TRPC4: variants seen among roughly 807,000 people sequenced by gnomAD.
TRPC4 encodes transient receptor potential cation channel subfamily C member 4.
In TRPC4, 49 loss-of-function variants were observed where a neutral mutation model predicts 99.4. The observed-to-expected ratio is 0.49, with a 90% CI of 0.39 to 0.63. TRPC4 has a LOEUF of 0.63. Among genes scored for constraint, TRPC4 ranks in the 20% least tolerant of loss-of-function variants. TRPC4 has a pLI of 0.00. For missense variants in TRPC4, 898 were observed against 1,152.9 expected, an observed-to-expected ratio of 0.78 and a Z score of 3.20; for synonymous variants, 454 against 425.9, an observed-to-expected ratio of 1.07 and a Z score of -0.81.
chr13:37,705,304 GTGGAGT>G (rs1204527899), intron 3 of TRPC4, among the ~76,000 whole-genome samples: 3 of 152,150 alleles, frequency 2.0e-5, no homozygotes, highest in Non-Finnish European at 1.5e-5. Context: ...GATGGTGGGG[GTGGAGT>G]TGAGGAAGAT....
At chr13:37,705,145 A>T (rs764105004) in intron 3 of TRPC4, among the ~76,000 whole-genome samples, 3 of 152,182 alleles carry the variant, frequency 2.0e-5, no homozygotes, top group Non-Finnish European at 4.4e-5. Flanking sequence ...CTGTCATTGG[A>T]GACAACATGG....
intron 1 of TRPC4, among the ~76,000 whole-genome samples, chr13:37,800,431 A>G (rs1243043534): frequency 6.6e-6 from 1 of 152,178 alleles, no homozygotes; most frequent in East Asian, 1.9e-4. Context: ...TTTCCAAACT[A>G]TTGGAGAGGT....
chr13:37,816,722 T>A (rs950193554), intron 1 of TRPC4, among the ~76,000 whole-genome samples: 1 of 151,664 alleles, frequency 6.6e-6, no homozygotes, highest in African/African-American at 2.4e-5. Flanking sequence ...TTGGTACATA[T>A]GCAAATCAAT....
At chr13:37,746,766 A>G (rs1406519289) in intron 2 of TRPC4, among the ~76,000 whole-genome samples, 2 of 152,038 alleles carry the variant, frequency 1.3e-5, no homozygotes, top group Non-Finnish European at 2.9e-5. Flanking sequence ...AGCCCAACTT[A>G]TTTTCCAGCT....
intron 3 of TRPC4, among the ~76,000 whole-genome samples, chr13:37,724,560 G>C (rs1362968548): frequency 1.3e-5 from 2 of 151,996 alleles, no homozygotes; most frequent in African/African-American, 4.8e-5. Context: ...AGAAGGATTA[G>C]CAAATATTTC....
chr13:37,675,007 CTTA>C (rs10537290), intron 4 of TRPC4, among the ~76,000 whole-genome samples: 3,744 of 152,068 alleles, frequency 0.025, 140 homozygotes, highest in African/African-American at 0.085. Context: ...TTTCCATTAT[CTTA>C]TTAAAATTTT....
intron 1 of TRPC4, among the ~76,000 whole-genome samples, chr13:37,863,568 A>G (rs566861699): frequency 6.6e-6 from 1 of 151,636 alleles, no homozygotes; most frequent in African/African-American, 2.4e-5. Context: ...AAGAGCATTC[A>G]TTTAAAGTGT....
rs761982098 is a variant in TRPC4 at position 37,663,706 on chromosome 13, T to G, written c.1398A>C (p.Glu466Asp). 7 of 1,613,854 alleles carry G rather than the reference T, an allele frequency of 4.3e-6. No homozygotes were observed. In the South Asian group the frequency reaches 6.6e-5, roughly 15 times the overall value. ...GAGTGGGATGCCACATGTCCCATGATTCTCGTGGATTAAGGGCACTGTACT... is the reference window on the plus strand; with the variant it reads ...GAGTGGGATGCCACATGTCCCATGAGTCTCGTGGATTAAGGGCACTGTACT... The part of the protein sequence containing the change: ...FVKYSALNPR[E>D]SWDMWHPTLV... The change falls in exon 6 of 11, where the codon GAA becomes GAC. Residue 466 changes from glutamate (E) to aspartate (D), a missense_variant. By Grantham distance (45) the Glu-to-Asp change is conservative (BLOSUM62 2). Coordinates refer to ENST00000379705, the MANE Select transcript of TRPC4 (RefSeq NM_016179.4).
chr13:37,838,987 T>C (rs1359200012), intron 1 of TRPC4, among the ~76,000 whole-genome samples: 2 of 152,196 alleles, frequency 1.3e-5, no homozygotes, highest in African/African-American at 4.8e-5. Flanking sequence ...TGAGATGGAC[T>C]CTGGTACATC....
chr13:37,772,571 T>G (rs1210628849), intron 2 of TRPC4, among the ~76,000 whole-genome samples: 2 of 151,762 alleles, frequency 1.3e-5, no homozygotes, highest in Non-Finnish European at 2.9e-5. Flanking sequence ...GCTCACAAAG[T>G]GGAGGAAAGT....
In TRPC4 at chr13:37,636,421, T is replaced by G. The variant is rs372636107; in HGVS notation, c.*482A>C. Among the ~76,000 whole-genome samples, 22 of 152,252 alleles carry G rather than the reference T, an allele frequency of 1.4e-4. 2 individuals are homozygous for G. Among genetic ancestry groups the G allele is most frequent in the African/African-American group, 5.3e-4 (22 of 41,554 alleles). Reference sequence around the variant, plus strand: ...ATTTACATGTCGTTAAGAAATAATTTGGTAATATTTGTGTTTTAAAGCCAA... The same window carrying G: ...ATTTACATGTCGTTAAGAAATAATTGGGTAATATTTGTGTTTTAAAGCCAA... On this transcript the variant is annotated 3_prime_UTR_variant, in exon 11 of 11. Transcript: ENST00000379705.
At chr13:37,706,902 G>A (rs1954300016) in intron 3 of TRPC4, among the ~76,000 whole-genome samples, 1 of 151,968 alleles carries the variant, frequency 6.6e-6, no homozygotes, top group South Asian at 2.1e-4. Context: ...ACCCAGAAGT[G>A]GCAAATCTGG....
chr13:37,730,990 A>C (rs1467975299), intron 3 of TRPC4, among the ~76,000 whole-genome samples: 2 of 151,988 alleles, frequency 1.3e-5, no homozygotes, highest in Non-Finnish European at 2.9e-5. Flanking sequence ...AAAATCCTAA[A>C]CTTACAACCA....
intron 8 of TRPC4, 61 bp from the exon 9 acceptor site, chr13:37,639,360 A>G: frequency 1.3e-6 from 2 of 1,503,588 alleles, no homozygotes; most frequent in East Asian, 4.7e-5. Flanking sequence ...CTAAAAAATA[A>G]TTTATTTTTT....
intron 1 of TRPC4, among the ~76,000 whole-genome samples, chr13:37,804,520 CT>C: frequency 6.6e-6 from 1 of 152,128 alleles, no homozygotes; most frequent in Admixed American, 6.6e-5. Context: ...AGAGGTGTTA[CT>C]TTTATAGAGA....
At chr13:37,679,458 G>GT (rs1231004843) in intron 4 of TRPC4, among the ~76,000 whole-genome samples, 1 of 152,086 alleles carries the variant, frequency 6.6e-6, no homozygotes, top group East Asian at 1.9e-4. Context: ...TTTTCTGTAT[G>GT]TTTGAAATTT....
chr13:37,736,512 T>A (rs1345670967), intron 3 of TRPC4, among the ~76,000 whole-genome samples: 2 of 152,130 alleles, frequency 1.3e-5, no homozygotes, highest in African/African-American at 4.8e-5. Context: ...AGGGCATACA[T>A]AACCAACGCC....
chr13:37,645,627 GA>G (rs1951843270), intron 8 of TRPC4, among the ~76,000 whole-genome samples: 1 of 152,210 alleles, frequency 6.6e-6, no homozygotes, highest in South Asian at 2.1e-4. Context: ...AAAAAGGCAA[GA>G]GGGCATTCCG....
intron 1 of TRPC4, among the ~76,000 whole-genome samples, chr13:37,859,697 A>C (rs1179483497): frequency 1.3e-5 from 2 of 151,462 alleles, no homozygotes; most frequent in Non-Finnish European, 3.0e-5. Flanking sequence ...AAAAATAAAA[A>C]ATTCATAGTC....
Sources: gnomAD v4.1 joint callset for allele counts (sites outside exome capture counted in the v4.1 genomes callset) on GRCh38, gnomAD v4.1.1 for gene constraint, MANE v1.5 for transcripts, NCBI Gene and HGNC (gene_info 2026-07-23, HGNC 2026-07-21) for gene names.